The following SAMTOR variants were observed in gnomAD, a reference collection of about 807,000 sequenced individuals.
The protein encoded by SAMTOR is S-adenosylmethionine sensor upstream of mTORC1, also known as UPF0532 protein C7orf60.
At chr7:112,892,571 C>T in the SAMTOR span, among the ~76,000 whole-genome samples, 1 of 152,038 alleles carries the variant, frequency 6.6e-6, no homozygotes, top group African/African-American at 2.4e-5. Flanking sequence ...AAATTTGAGA[C>T]CTGCCTGGGC....
chr7:112,872,705 T>C, the SAMTOR span, among the ~76,000 whole-genome samples: 2 of 151,954 alleles, frequency 1.3e-5, no homozygotes, highest in Non-Finnish European at 2.9e-5. Context: ...TCACTGATGG[T>C]ATGATTCTGT....
At chr7:112,860,153 T>G in the SAMTOR span, among the ~76,000 whole-genome samples, 2 of 152,212 alleles carry the variant, frequency 1.3e-5, no homozygotes, top group Non-Finnish European at 2.9e-5. Context: ...CAAAACATGC[T>G]TTGCAGGTTT....
chr7:112,849,047 TAA>T, the SAMTOR span, among the ~76,000 whole-genome samples: 8 of 137,766 alleles, frequency 5.8e-5, no homozygotes, highest in Non-Finnish European at 8.0e-5. Context: ...AGACTCCATC[TAA>T]AAAAAAAAAA....
the SAMTOR span, among the ~76,000 whole-genome samples, chr7:112,865,602 T>TTTCATATATATACATATA: frequency 6.8e-6 from 1 of 147,510 alleles, no homozygotes; most frequent in Non-Finnish European, 1.5e-5. Context: ...TATATATATA[T>TTTCATATATATACATATA]TTCATATATA....
chr7:112,821,572 A>AT, the SAMTOR span: 1 of 549,058 alleles, frequency 1.8e-6, no homozygotes, highest in South Asian at 3.5e-5. Flanking sequence ...TAAGCTTTCT[A>AT]TATAAGAATA....
the SAMTOR span, among the ~76,000 whole-genome samples, chr7:112,833,872 C>T: frequency 6.6e-6 from 1 of 152,046 alleles, no homozygotes; most frequent in Non-Finnish European, 1.5e-5. Context: ...ATGTAATTAC[C>T]ACTCAGGTCA....
the SAMTOR span, among the ~76,000 whole-genome samples, chr7:112,877,066 G>A: frequency 1.3e-5 from 2 of 152,308 alleles, no homozygotes; most frequent in Admixed American, 6.5e-5. Flanking sequence ...TGAGATCACT[G>A]TAAATGTAAG....
the SAMTOR span, among the ~76,000 whole-genome samples, chr7:112,857,023 A>C: frequency 8.6e-5 from 13 of 152,008 alleles, no homozygotes; most frequent in Admixed American, 6.6e-5. Flanking sequence ...TTTAATATAC[A>C]GAGTTTATGC....
the SAMTOR span, among the ~76,000 whole-genome samples, chr7:112,845,104 A>T: frequency 6.6e-6 from 1 of 152,328 alleles, no homozygotes; most frequent in African/African-American, 2.4e-5. Context: ...GATGGACTGA[A>T]GACTTAAATG....
At chr7:112,834,635 A>C in the SAMTOR span, among the ~76,000 whole-genome samples, 1 of 152,172 alleles carries the variant, frequency 6.6e-6, no homozygotes, top group Non-Finnish European at 1.5e-5. Context: ...CCATTTGTCC[A>C]AAGTATCCAC....
the SAMTOR span, among the ~76,000 whole-genome samples, chr7:112,891,166 T>C: frequency 6.6e-6 from 1 of 152,222 alleles, no homozygotes; most frequent in African/African-American, 2.4e-5. Context: ...TATAACTATA[T>C]AATTTCTTTA....
At chr7:112,884,864 T>C in the SAMTOR span, among the ~76,000 whole-genome samples, 1 of 152,230 alleles carries the variant, frequency 6.6e-6, no homozygotes, top group Non-Finnish European at 1.5e-5. Context: ...AAGACCACAT[T>C]TCCCTTCCAC....
At chr7:112,834,239 G>A in the SAMTOR span, among the ~76,000 whole-genome samples, 1 of 152,126 alleles carries the variant, frequency 6.6e-6, no homozygotes, top group Admixed American at 6.6e-5. Context: ...AACATGAATA[G>A]TTATCCATTT....
the SAMTOR span, among the ~76,000 whole-genome samples, chr7:112,879,953 T>G: frequency 6.6e-6 from 1 of 152,196 alleles, no homozygotes; most frequent in Non-Finnish European, 1.5e-5. Context: ...CAATTCTAGT[T>G]ACTAAAATAA....
At chr7:112,850,125 C>T in the SAMTOR span, among the ~76,000 whole-genome samples, 29 of 152,132 alleles carry the variant, frequency 1.9e-4, 1 homozygote, top group South Asian at 2.3e-3. Context: ...CGCTTGGACC[C>T]GGGAGGCGGA....
the SAMTOR span, among the ~76,000 whole-genome samples, chr7:112,901,057 A>C: frequency 6.6e-6 from 1 of 152,200 alleles, no homozygotes; most frequent in Admixed American, 6.5e-5. Flanking sequence ...ACTAAATTAA[A>C]ATTTTTTGCT....
chr7:112,930,382 A>G, the SAMTOR span, among the ~76,000 whole-genome samples: 5 of 152,286 alleles, frequency 3.3e-5, no homozygotes, highest in East Asian at 7.7e-4. Context: ...CAGAAAACAA[A>G]AAGTTTGAAA....
the SAMTOR span, among the ~76,000 whole-genome samples, chr7:112,899,117 T>C: frequency 1.3e-5 from 2 of 152,130 alleles, no homozygotes; most frequent in African/African-American, 4.8e-5. Flanking sequence ...TGACCAATCC[T>C]GGAGTAGTAC....
chr7:112,892,452 C>T, the SAMTOR span, among the ~76,000 whole-genome samples: 1 of 152,126 alleles, frequency 6.6e-6, no homozygotes, highest in African/African-American at 2.4e-5. Flanking sequence ...ACAACTACAG[C>T]CTTACAAAAT....
Sources: allele counts gnomAD v4.1 joint callset (sites outside exome capture counted in the v4.1 genomes callset), GRCh38; gene constraint gnomAD v4.1.1; transcripts MANE v1.5; gene names NCBI Gene and HGNC (gene_info 2026-07-23, HGNC 2026-07-21).